TBC1D31: variants seen among roughly 807,000 people sequenced by gnomAD.
TBC1D31 encodes the protein TBC1 domain family member 31, also known as WD repeat domain 67.
TBC1D31 carries 99 observed loss-of-function variants against 132.9 expected under a neutral mutation model. The observed-to-expected ratio is 0.74, with a 90% CI of 0.63 to 0.88. The LOEUF (loss-of-function observed/expected upper bound fraction) is 0.88, where lower values mean the gene tolerates loss of function less well. TBC1D31 is among the 40% of genes least tolerant of loss of function. The probability of loss-of-function intolerance (pLI) is 0.00; values close to 1 mark genes in which losing one functional copy is unlikely to be tolerated. For synonymous variants in TBC1D31, 385 were observed against 419.4 expected (o/e 0.92, Z 1.00); for missense variants, 1,134 against 1,256.6 (o/e 0.90, Z 1.48).
intron 4 of TBC1D31, among the ~76,000 whole-genome samples, chr8:123,085,082 G>T (rs1370567704): frequency 6.6e-6 from 1 of 152,140 alleles, no homozygotes; most frequent in African/African-American, 2.4e-5. Context: ...AAGCCACCAT[G>T]CCCAGCTGTG....
intron 20 of TBC1D31, among the ~76,000 whole-genome samples, chr8:123,145,116 G>C (rs1349590507): frequency 6.6e-6 from 1 of 152,102 alleles, no homozygotes; most frequent in East Asian, 1.9e-4. Flanking sequence ...GTAGAGATGA[G>C]ATCTCACTAT....
chr8:123,111,413 C>T (rs1563713507), intron 10 of TBC1D31, among the ~76,000 whole-genome samples: 1 of 151,920 alleles, frequency 6.6e-6, no homozygotes, highest in Non-Finnish European at 1.5e-5. Context: ...TTTTTTTAAA[C>T]AGTTTTCAGA....
intron 8 of TBC1D31, among the ~76,000 whole-genome samples, chr8:123,107,356 A>G (rs1052381844): frequency 1.3e-5 from 2 of 152,106 alleles, no homozygotes; most frequent in Non-Finnish European, 2.9e-5. Flanking sequence ...CTTATCCCCC[A>G]TCACATTTTT....
the TBC1D31 span, among the ~76,000 whole-genome samples, chr8:123,164,241 C>G: frequency 6.6e-6 from 1 of 152,194 alleles, no homozygotes; most frequent in East Asian, 1.9e-4. Context: ...AGAGTCACAA[C>G]AGCCCAAGGG....
Position 123,109,315 on chromosome 8 carries a change from A to G in TBC1D31, c.1210-2A>G. 6.4e-7 allele frequency: 1 copy of G among 1,568,890 alleles called. No homozygotes were observed. Among genetic ancestry groups the G allele is most frequent in the South Asian group, 1.1e-5 (1 of 88,810 alleles). On this transcript the variant is annotated splice_acceptor_variant, in intron 8 of 21. Transcript: ENST00000287380. LOFTEE classifies it high-confidence loss of function. The stretch of plus-strand genomic sequence containing the variant: ...TTATTAATATTGTCTTTTTCTTTGT[A>G]GAATGAATTACCAGATGGATTAAAC...
chr8:123,157,941 G>A, the TBC1D31 span, among the ~76,000 whole-genome samples: 5 of 151,856 alleles, frequency 3.3e-5, no homozygotes, highest in African/African-American at 4.8e-5. Context: ...CAAGACTGCA[G>A]GACTGCAGTC....
intron 4 of TBC1D31, among the ~76,000 whole-genome samples, chr8:123,087,953 C>CG (rs1329836777): frequency 6.6e-6 from 1 of 151,846 alleles, no homozygotes; most frequent in Admixed American, 6.6e-5. Context: ...GAGTCCCAGG[C>CG]GGGGGGATCA....
At chr8:123,139,099 T>C (rs1020603356) in intron 17 of TBC1D31, among the ~76,000 whole-genome samples, 2 of 150,986 alleles carry the variant, frequency 1.3e-5, no homozygotes, top group African/African-American at 4.9e-5. Context: ...TAAGCCACTA[T>C]GCCTGGCACA....
rs570581843 is a variant in TBC1D31 at position 123,136,730 on chromosome 8, G to A, written c.2499+2524G>A. On this transcript the variant is annotated intron_variant, in intron 17 of 21. Transcript: ENST00000287380. ...CCTCCCAAAAGCTGGGATTACAGGT[G>A]TGAGTGACTGCTCCCAGCCTATGCT... Among the ~76,000 whole-genome samples, 3 of 152,314 alleles carry A rather than the reference G, an allele frequency of 2.0e-5. No individual in the cohort carries two copies. The South Asian group carries it at 6.2e-4, about 32-fold the overall frequency.
chr8:123,157,878 C>T, the TBC1D31 span, among the ~76,000 whole-genome samples: 1 of 152,180 alleles, frequency 6.6e-6, no homozygotes, highest in Non-Finnish European at 1.5e-5. Flanking sequence ...CTCCGGGACG[C>T]AGTCCTGCAG....
In TBC1D31 at chr8:123,129,209, A is replaced by G. The variant is rs758944084; in HGVS notation, c.2261A>G (p.Gln754Arg). The G allele has an allele frequency of 5.7e-6, 9 of 1,589,638 alleles. No homozygotes were observed. Among genetic ancestry groups the G allele is most frequent in the Non-Finnish European group, 7.7e-6 (9 of 1,162,964 alleles). The change falls in exon 15 of 22, where the codon CAA becomes CGA. Residue 754 changes from glutamine (Q) to arginine (R), a missense_variant. Coordinates refer to ENST00000287380, the MANE Select transcript of TBC1D31 (RefSeq NM_145647.4). ...LLQEEEKMIQQRQRLAAVKRE... is the reference protein window; with the variant it reads ...LLQEEEKMIQRRQRLAAVKRE... Reference sequence around the variant, plus strand: ...CAAGAGGAGGAGAAAATGATACAACAAAGACAGAGGTATGTGTTATCACTT... The same window carrying G: ...CAAGAGGAGGAGAAAATGATACAACGAAGACAGAGGTATGTGTTATCACTT...
chr8:123,130,435 G>A, intron 16 of TBC1D31, 102 bp downstream of exon 16: 3 of 1,104,018 alleles, frequency 2.7e-6, no homozygotes, highest in Non-Finnish European at 3.7e-6. Context: ...AGTCCACCAT[G>A]AATACTAAAT....
intron 17 of TBC1D31, among the ~76,000 whole-genome samples, chr8:123,139,291 G>A (rs1008264065): frequency 1.3e-5 from 2 of 152,066 alleles, no homozygotes; most frequent in Admixed American, 6.6e-5. Flanking sequence ...AAATCATTAC[G>A]TCAACTCAAA....
chr8:123,159,558 T>C, the TBC1D31 span, among the ~76,000 whole-genome samples: 1,132 of 152,282 alleles, frequency 7.4e-3, 17 homozygotes, highest in African/African-American at 0.026. Context: ...TTGGGAGGCC[T>C]AGGCGGGAGG....
Position 123,151,794 on chromosome 8 carries a change from T to G in TBC1D31, c.3068-12T>G. ...AACTCAGCTTTTCTAAATTTTAAAT[T>G]TCGTTTTCAAGTTTCTTTAAATAGA... On this transcript the variant is annotated splice_polypyrimidine_tract_variant and intron_variant, in intron 21 of 21. Coordinates refer to ENST00000287380, the MANE Select transcript of TBC1D31 (RefSeq NM_145647.4). The G allele has an allele frequency of 6.5e-7, 1 of 1,549,436 alleles. No individual in the cohort carries two copies. The highest frequency in any genetic ancestry group is 1.3e-5 in the South Asian group (1 of 76,972).
At position 123,077,237 on chromosome 8, in the gene TBC1D31, T is replaced by C; in HGVS notation, c.204T>C (p.Val68=). 1 of 1,611,780 alleles carries C rather than the reference T, an allele frequency of 6.2e-7. No individual in the cohort carries two copies. Among genetic ancestry groups the C allele is most frequent in the Non-Finnish European group, 8.5e-7 (1 of 1,179,380 alleles). The change falls in exon 2 of 22, where the codon GTT becomes GTC. Residue 68 remains valine (V), a synonymous_variant. Coordinates refer to ENST00000287380, the MANE Select transcript of TBC1D31 (RefSeq NM_145647.4). ...GGGACCACCAAGGAAATATTTATGT[T>C]TTTGACTTACATGGAAACAGGTAAG... ...IAGDHQGNIY[V]FDLHGNRFNL...
At chr8:123,117,618 T>G (rs1185972152) in intron 10 of TBC1D31, among the ~76,000 whole-genome samples, 1 of 151,528 alleles carries the variant, frequency 6.6e-6, no homozygotes, top group East Asian at 2.0e-4. Context: ...CCGGGCATGG[T>G]GGCGCGCGCC....
intron 11 of TBC1D31, among the ~76,000 whole-genome samples, chr8:123,124,775 A>G (rs1819867671): frequency 7.0e-6 from 1 of 143,452 alleles, no homozygotes; most frequent in South Asian, 2.2e-4. Context: ...TGAAAATACA[A>G]AAAAAAAAAA....
At chr8:123,153,367 T>C (rs1236025600), downstream of TBC1D31, among the ~76,000 whole-genome samples, 1 of 152,210 alleles carries the variant, frequency 6.6e-6, no homozygotes, top group Non-Finnish European at 1.5e-5. Context: ...CTTTTGCAGC[T>C]ACACACGCCA....
Sources: allele counts gnomAD v4.1 joint callset (sites outside exome capture counted in the v4.1 genomes callset), GRCh38; gene constraint gnomAD v4.1.1; transcripts MANE v1.5; gene names NCBI Gene and HGNC (gene_info 2026-07-23, HGNC 2026-07-21).